The following WDR74 variants were observed in gnomAD, a reference collection of about 807,000 sequenced individuals.
WDR74 encodes WD repeat domain 74, also known as WD repeat-containing protein 74.
A neutral mutation model predicts 45.6 loss-of-function variants in WDR74; 31 were observed. The observed-to-expected ratio is 0.68, with a 90% confidence interval of 0.51 to 0.92. WDR74 has a LOEUF of 0.92. Ranked by LOEUF, WDR74 falls within the 40% of genes least tolerant of loss-of-function variation. The probability of loss-of-function intolerance (pLI) is 0.00; values close to 1 mark genes in which losing one functional copy is unlikely to be tolerated. For synonymous variants in WDR74, 191 were observed against 192.4 expected (o/e 0.99, Z 0.06); for missense variants, 455 against 497.2 (o/e 0.92, Z 0.81).
intron 10 of WDR74, 56 bp from the exon 11 acceptor site, chr11:62,833,187 C>G (rs1052711122): frequency 6.4e-7 from 1 of 1,561,426 alleles, no homozygotes; most frequent in Admixed American, 1.9e-5. Context: ...GTGGCTCCCA[C>G]CTGTAATCTC....
upstream of WDR74, among the ~76,000 whole-genome samples, chr11:62,841,246 G>A (rs1033977962): frequency 2.0e-5 from 3 of 152,204 alleles, no homozygotes; most frequent in African/African-American, 4.8e-5. Flanking sequence ...GAACCCGGGA[G>A]GCGGATGTTG....
chr11:62,841,371 G>A (rs570311031), upstream of WDR74, among the ~76,000 whole-genome samples: 49 of 152,226 alleles, frequency 3.2e-4, no homozygotes, highest in African/African-American at 9.6e-4. Flanking sequence ...GTGGTGGCAA[G>A]CGCTCAATAG....
intron 4 of WDR74, 34 bp downstream of exon 4, chr11:62,835,927 A>C: frequency 6.3e-7 from 1 of 1,582,950 alleles, no homozygotes; most frequent in Non-Finnish European, 8.6e-7. Context: ...ACCCCAGCCC[A>C]CCTCCCCCAA....
intron 10 of WDR74, 29 bp from the exon 11 acceptor site, chr11:62,833,160 CA>C (rs769253282): frequency 5.0e-6 from 8 of 1,607,762 alleles, no homozygotes; most frequent in South Asian, 3.3e-5. Flanking sequence ...GCTTAGGAGT[CA>C]GGGGGGCCGG....
Position 62,835,981 on chromosome 11 carries a change from T to C in WDR74, c.349A>G (p.Lys117Glu). The C allele has an allele frequency of 6.3e-7, 1 of 1,597,056 alleles. No homozygotes were observed. Among genetic ancestry groups the C allele is most frequent in the Non-Finnish European group, 8.5e-7 (1 of 1,171,742 alleles). The change falls in exon 4 of 11, where the codon AAG becomes GAG. Residue 117 changes from lysine (K) to glutamate (E), a missense_variant. Transcript: ENST00000278856. ...CTCACTGGGTCAGAGGATGTGTCCT[T>C]GTCCTTGTCATGCCAGACTCTGAGA... ...GILRVWHDKD[K>E]DTSSDPLLEL...
rs568454869 is a variant in WDR74, at chr11:62,834,507, T to G, written c.639A>C (p.Ala213=). 1.2e-6 allele frequency: 2 copies of G among 1,602,482 alleles called. No homozygotes were observed. The highest frequency in any genetic ancestry group is 3.4e-5 in the Admixed American group (2 of 58,962). ...CTAGGACTGGCCGGCGCTGGGGGGA[T>G]GCTGGATCATAAACACGGACCTAGA... is the stretch of plus-strand genomic sequence containing the variant. ...GYHQVRVYDP[A]SPQRRPVLET... Residue 213 remains alanine (A), a synonymous_variant, in exon 7 of 11, where the codon GCA becomes GCC. Coordinates refer to ENST00000278856, the MANE Select transcript of WDR74 (RefSeq NM_001369450.1).
At chr11:62,841,669 G>C (rs548269823), upstream of WDR74, 7 of 152,224 alleles carry the variant, frequency 4.6e-5, no homozygotes, top group African/African-American at 9.6e-5. Flanking sequence ...GATGCGTGGA[G>C]TGGACGGAGC....
At chr11:62,840,455 C>G (rs1477386536), upstream of WDR74, 1 of 151,480 alleles carries the variant, frequency 6.6e-6, no homozygotes, top group East Asian at 2.0e-4. Context: ...TGCACTCCAG[C>G]CTGGGCGTCA....
Position 62,835,779 on chromosome 11 carries a change from A to AT in WDR74, c.431dup (p.His144GlnfsTer21), listed in dbSNP as rs1565221851. ...TCTCTTTCCCACCTGTGGCAACCAC[A>AT]TGGGGGTGTGCTGGGTCTTGGCGCA... On this transcript the variant is annotated frameshift_variant, in exon 5 of 11. Coordinates refer to ENST00000278856, the MANE Select transcript of WDR74 (RefSeq NM_001369450.1). LOFTEE classifies it high-confidence loss of function. The AT allele has an allele frequency of 6.2e-7, 1 of 1,613,864 alleles. No individual in the cohort carries two copies. Among genetic ancestry groups the AT allele is most frequent in the Admixed American group, 1.7e-5 (1 of 59,990 alleles).
chr11:62,839,121 C>T lies in WDR74; in HGVS notation c.286G>A (p.Ala96Thr). 1.2e-6 allele frequency: 2 copies of T among 1,613,392 alleles called. No individual in the cohort carries two copies. Among genetic ancestry groups the T allele is most frequent in the Non-Finnish European group, 1.7e-6 (2 of 1,179,880 alleles). The change falls in exon 3 of 11, where the codon GCC becomes ACC. Residue 96 changes from alanine (A) to threonine (T), a missense_variant. Coordinates refer to ENST00000278856, the MANE Select transcript of WDR74 (RefSeq NM_001369450.1). Reference protein sequence around the residue: ...GEGMFRGLAQADGTLITCVDS... With the variant: ...GEGMFRGLAQTDGTLITCVDS... ...CGAGGGGATTGGTCTTACCCGTCGGCCTGGGCGAGGCCACGGAACATGCCC... is the reference window on the plus strand; with the variant it reads ...CGAGGGGATTGGTCTTACCCGTCGGTCTGGGCGAGGCCACGGAACATGCCC...
At chr11:62,841,326 A>T (rs1363295050), upstream of WDR74, among the ~76,000 whole-genome samples, 1 of 152,000 alleles carries the variant, frequency 6.6e-6, no homozygotes, top group Non-Finnish European at 1.5e-5. Flanking sequence ...CAAAAAAAAT[A>T]AATAAGAAAT....
intron 6 of WDR74, 139 bp downstream of exon 6, chr11:62,835,292 C>T: frequency 1.4e-6 from 1 of 711,240 alleles, no homozygotes; most frequent in Non-Finnish European, 2.3e-6. Flanking sequence ...GGCTCAGGGA[C>T]AGGGTTGGAA....
intron 3 of WDR74, 98 bp downstream of exon 3, chr11:62,839,016 T>C (rs1240006653): frequency 6.5e-7 from 1 of 1,539,410 alleles, no homozygotes; most frequent in Non-Finnish European, 8.8e-7. Flanking sequence ...TTCAAAGCCG[T>C]GTCACTAAGA....
Position 62,833,815 on chromosome 11 carries a change from T to C in WDR74, c.898A>G (p.Asn300Asp). 6.2e-7 allele frequency: 1 copy of C among 1,613,920 alleles called. No individual in the cohort carries two copies. The highest frequency in any genetic ancestry group is 8.5e-7 in the Non-Finnish European group (1 of 1,179,852). The change falls in exon 9 of 11, where the codon AAT (asparagine) becomes GAT (aspartate). Residue 300 changes from asparagine to aspartate, a missense_variant. By Grantham distance (23) the Asn-to-Asp change is conservative. Coordinates refer to ENST00000278856, the MANE Select transcript of WDR74 (RefSeq NM_001369450.1). ...ACCTTATGCTCCAGACCCCGTGGAT[T>C]CTGGATCCTGTGTATCCTCAAGACT... ...DRVLRIHRIQ[N>D]PRGLEHKVYL...
Position 62,833,780 on chromosome 11 carries a change from G to A in WDR74, c.921+12C>T. 1 of 1,612,714 alleles carries A rather than the reference G, an allele frequency of 6.2e-7. No homozygotes were observed. Among genetic ancestry groups the A allele is most frequent in the Non-Finnish European group, 8.5e-7 (1 of 1,179,280 alleles). On this transcript the variant is annotated intron_variant, in intron 9 of 10. Transcript: ENST00000278856. ...ACAAGACCATGAGTTGGAGGTGGGA[G>A]AGACAACTTACCTTATGCTCCAGAC...
Position 62,835,687 on chromosome 11 carries a change from T to C in WDR74, c.516+8A>G. ...CAGGAACAGCTCCTTCACACTCTTG[T>C]CACTCACGTTCTTGGCCCTGAACAC... is the stretch of plus-strand genomic sequence containing the variant. On this transcript the variant is annotated splice_region_variant and intron_variant, in intron 5 of 10. Transcript: ENST00000278856. 1 of 1,613,930 alleles carries C rather than the reference T, an allele frequency of 6.2e-7. No individual in the cohort carries two copies.
chr11:62,835,742 T>C lies in WDR74; in HGVS notation c.469A>G (p.Ile157Val). 1 of 1,613,916 alleles carries C rather than the reference T, an allele frequency of 6.2e-7. No homozygotes were observed. The highest frequency in any genetic ancestry group is 1.1e-5 in the South Asian group (1 of 91,082). Residue 157 changes from isoleucine to valine, a missense_variant, in exon 5 of 11, where the codon ATA (isoleucine) becomes GTA (valine). By Grantham distance (29) the Ile-to-Val change is conservative. Transcript: ENST00000278856. ...ATGGKENALK[I>V]WDLQGSEEPV... The stretch of plus-strand genomic sequence containing the variant: ...TCCTCAGAGCCCTGCAGGTCCCATA[T>C]CTTCAAAGCATTCTCTTTCCCACCT...
At chr11:62,838,219 C>T (rs995154358) in intron 3 of WDR74, among the ~76,000 whole-genome samples, 1 of 152,136 alleles carries the variant, frequency 6.6e-6, no homozygotes, top group Non-Finnish European at 1.5e-5. Flanking sequence ...CTGGTGCGAT[C>T]TCTGCTCACT....
At position 62,839,251 on chromosome 11, in the gene WDR74, G is replaced by A; in HGVS notation, c.172-16C>T. 1 of 1,613,198 alleles carries A rather than the reference G, an allele frequency of 6.2e-7. No individual in the cohort carries two copies. ...CCACCAGCATCTGCGGCAAAGAAGGGCAAGATGGCGAGGAGAGCGAGGCTG... is the reference window on the plus strand; with the variant it reads ...CCACCAGCATCTGCGGCAAAGAAGGACAAGATGGCGAGGAGAGCGAGGCTG... On this transcript the variant is annotated splice_polypyrimidine_tract_variant and intron_variant, in intron 2 of 10. Transcript: ENST00000278856.
Sources: allele counts gnomAD v4.1 joint callset (sites outside exome capture counted in the v4.1 genomes callset), GRCh38; gene constraint gnomAD v4.1.1; transcripts MANE v1.5; gene names NCBI Gene and HGNC (gene_info 2026-07-23, HGNC 2026-07-21).